The following SLCO1C1 variants were observed in gnomAD, a reference collection of about 807,000 sequenced individuals.
The protein encoded by SLCO1C1 is OAT-RP-5.
Under a neutral mutation model 76.4 loss-of-function variants are expected in SLCO1C1, and 70 were observed. The observed-to-expected ratio is 0.92, with a 90% CI of 0.76 to 1.12. The LOEUF is 1.12. SLCO1C1 is among the 50% of genes most tolerant of loss of function. SLCO1C1 has a pLI of 0.00. For synonymous variants in SLCO1C1, 306 were observed against 286.1 expected, an observed-to-expected ratio of 1.07 and a Z score of -0.70; for missense variants, 912 against 823.8, an observed-to-expected ratio of 1.11 and a Z score of -1.31.
chr12:20,727,686 T>C (rs542012262), intron 9 of SLCO1C1, among the ~76,000 whole-genome samples: 1 of 151,912 alleles, frequency 6.6e-6, no homozygotes, highest in Non-Finnish European at 1.5e-5. Context: ...ATTTTTTGTA[T>C]TTTTAGTAGA....
intron 9 of SLCO1C1, among the ~76,000 whole-genome samples, chr12:20,724,059 C>T (rs78598750): frequency 0.022 from 3,270 of 152,082 alleles, 43 homozygotes; most frequent in Non-Finnish European, 0.035. Flanking sequence ...GCATATAGCA[C>T]ATGCTAATAT....
intron 9 of SLCO1C1, among the ~76,000 whole-genome samples, chr12:20,732,541 A>G (rs1948331983): frequency 6.6e-6 from 1 of 152,212 alleles, no homozygotes; most frequent in African/African-American, 2.4e-5. Flanking sequence ...ACTAAAAAAT[A>G]AGTTTTCTAT....
At chr12:20,702,239 AC>A (rs1946561035) in intron 3 of SLCO1C1, among the ~76,000 whole-genome samples, 1 of 151,940 alleles carries the variant, frequency 6.6e-6, no homozygotes, top group Non-Finnish European at 1.5e-5. Context: ...TTTTAGCTTT[AC>A]CTGGTGAACT....
chr12:20,706,531 T>A (rs1421831123), intron 4 of SLCO1C1, among the ~76,000 whole-genome samples: 1 of 152,096 alleles, frequency 6.6e-6, no homozygotes, highest in Non-Finnish European at 1.5e-5. Context: ...CTCTTAGACC[T>A]TTATCAATGG....
intron 3 of SLCO1C1, among the ~76,000 whole-genome samples, chr12:20,705,576 T>C (rs1186064981): frequency 6.6e-6 from 1 of 151,886 alleles, no homozygotes; most frequent in Non-Finnish European, 1.5e-5. Context: ...AGTTTTCACA[T>C]AAATTTTAAT....
intron 1 of SLCO1C1, 118 bp from the exon 2 acceptor site, chr12:20,699,434 A>G: frequency 1.2e-6 from 1 of 844,808 alleles, no homozygotes; most frequent in Non-Finnish European, 1.7e-6. Flanking sequence ...TACTGTGACA[A>G]CAAAAGGTAG....
intron 9 of SLCO1C1, among the ~76,000 whole-genome samples, chr12:20,724,407 GTGTGTATATATATATATATA>G (rs1386839738): frequency 0.015 from 693 of 45,388 alleles, 4 homozygotes; most frequent in Middle Eastern, 0.041. Context: ...GTGTGTGTGT[GTGTGTATATATATATATATA>G]TATATATATA....
chr12:20,746,149 A>G (rs1272088993), intron 13 of SLCO1C1, among the ~76,000 whole-genome samples: 1 of 152,182 alleles, frequency 6.6e-6, no homozygotes, highest in African/African-American at 2.4e-5. Flanking sequence ...AGGCTATATC[A>G]CAAGGGAACA....
chr12:20,749,700 C>T (rs1949207602), intron 13 of SLCO1C1, among the ~76,000 whole-genome samples: 1 of 152,150 alleles, frequency 6.6e-6, no homozygotes, highest in Non-Finnish European at 1.5e-5. Flanking sequence ...TTCTGAGAAC[C>T]TACTAGGGTT....
intron 8 of SLCO1C1, among the ~76,000 whole-genome samples, chr12:20,722,703 G>C (rs1029057558): frequency 1.3e-5 from 2 of 152,194 alleles, no homozygotes; most frequent in Non-Finnish European, 2.9e-5. Flanking sequence ...CACAAGCTAA[G>C]TTTGAGGAAT....
At chr12:20,715,326 A>G (rs2120704673) in intron 6 of SLCO1C1, 41 bp downstream of exon 6, 1 of 1,605,182 alleles carries the variant, frequency 6.2e-7, no homozygotes, top group Admixed American at 1.7e-5. Flanking sequence ...CTTGGGAAGC[A>G]GGGTGTCTAG....
intron 5 of SLCO1C1, among the ~76,000 whole-genome samples, chr12:20,712,726 G>A (rs1285137881): frequency 1.3e-5 from 2 of 152,146 alleles, no homozygotes; most frequent in Non-Finnish European, 2.9e-5. Context: ...CTGTTGAGAT[G>A]TCTTTTTTTC....
chr12:20,701,951 C>T (rs1204934404), intron 3 of SLCO1C1, among the ~76,000 whole-genome samples: 1 of 151,752 alleles, frequency 6.6e-6, no homozygotes, highest in Non-Finnish European at 1.5e-5. Flanking sequence ...ATTCTATTAC[C>T]AAGAACACAA....
At chr12:20,725,071 T>A (rs942998698) in intron 9 of SLCO1C1, among the ~76,000 whole-genome samples, 2 of 129,154 alleles carry the variant, frequency 1.5e-5, no homozygotes, top group Non-Finnish European at 3.3e-5. Flanking sequence ...ATTATATATA[T>A]TATAATAAAT....
At chr12:20,719,780 T>C (rs1472059200) in intron 7 of SLCO1C1, among the ~76,000 whole-genome samples, 2 of 152,216 alleles carry the variant, frequency 1.3e-5, no homozygotes, top group Non-Finnish European at 2.9e-5. Flanking sequence ...GCTGTCTCCA[T>C]AACACAAAAG....
intron 10 of SLCO1C1, among the ~76,000 whole-genome samples, chr12:20,735,466 T>C (rs775705919): frequency 2.2e-4 from 34 of 152,220 alleles, no homozygotes; most frequent in Non-Finnish European, 4.1e-4. Context: ...CAACCTTCTA[T>C]AATCTCAGCC....
chr12:20,730,129 A>G (rs1948200753), intron 9 of SLCO1C1, among the ~76,000 whole-genome samples: 1 of 152,156 alleles, frequency 6.6e-6, no homozygotes, highest in Non-Finnish European at 1.5e-5. Flanking sequence ...ATAAAATGCT[A>G]GAAACATGCT....
rs995321298 is a variant in SLCO1C1 at position 20,750,770 on chromosome 12, T to G, written c.1894T>G (p.Leu632Val). The change falls in exon 14 of 15, where the codon TTA (leucine) becomes GTA (valine). Residue 632 changes from leucine to valine, a missense_variant. Physicochemically the swap from Leu to Val is conservative, Grantham distance 32 (BLOSUM62 1). Transcript: ENST00000266509. Reference sequence around the variant, plus strand: ...ATGTGGAAGTAGAGGATCATGCAGATTATATGATTCAAATGTCTTCAGGTA... The same window carrying G: ...ATGTGGAAGTAGAGGATCATGCAGAGTATATGATTCAAATGTCTTCAGGTA... ...KRCGSRGSCR[L>V]YDSNVFRHIY... 6.2e-7 allele frequency: 1 copy of G among 1,613,940 alleles called. No homozygotes were observed. Among genetic ancestry groups the G allele is most frequent in the Non-Finnish European group, 8.5e-7 (1 of 1,179,890 alleles).
At chr12:20,708,600 G>C (rs1177971890) in intron 4 of SLCO1C1, among the ~76,000 whole-genome samples, 1 of 152,082 alleles carries the variant, frequency 6.6e-6, no homozygotes, top group Non-Finnish European at 1.5e-5. Flanking sequence ...ACAGTCATGT[G>C]GATATCTGGG....
Sources: gnomAD v4.1 joint callset for allele counts (sites outside exome capture counted in the v4.1 genomes callset) on GRCh38, gnomAD v4.1.1 for gene constraint, MANE v1.5 for transcripts, NCBI Gene and HGNC (gene_info 2026-07-23, HGNC 2026-07-21) for gene names.